CYP19A1: variants seen among roughly 807,000 people sequenced by gnomAD.
The protein encoded by CYP19A1 is aromatase.
In CYP19A1, 32 loss-of-function variants were observed where a neutral mutation model predicts 44.4. The observed-to-expected ratio is 0.72, with a 90% CI of 0.54 to 0.97. The LOEUF is 0.97. CYP19A1 is among the 50% of genes least tolerant of loss of function. CYP19A1 has a pLI of 0.00. For missense variants in CYP19A1, 598 were observed against 637.8 expected (o/e 0.94, Z 0.67); for synonymous variants, 212 against 215.6 (o/e 0.98, Z 0.14).
chr15:51,336,525 G>A (rs1029738047), intron 1 of CYP19A1, among the ~76,000 whole-genome samples: 6 of 152,104 alleles, frequency 3.9e-5, no homozygotes, highest in Non-Finnish European at 7.3e-5. Flanking sequence ...GAAGGGTGGT[G>A]GGGCAGTAAA....
At position 51,211,337 on chromosome 15, in the gene CYP19A1, GTA is replaced by G. The variant is rs571143322; in HGVS notation, c.1264-283_1264-282del. Among the ~76,000 whole-genome samples the G allele has an allele frequency of 3.9e-5, 6 of 152,296 alleles. No homozygotes were observed. The South Asian group carries it at 1.2e-3, about 32-fold the overall frequency. On this transcript the variant is annotated intron_variant, in intron 9 of 9. Coordinates refer to ENST00000396402, the MANE Select transcript of CYP19A1 (RefSeq NM_000103.4). Reference sequence around the variant, plus strand: ...CCAAATCTTATTACAGCAAGTGTTAGTATAATCAGGTAGCTCTGTGGAATAGC... The same window carrying G: ...CCAAATCTTATTACAGCAAGTGTTAGTAATCAGGTAGCTCTGTGGAATAGC...
At chr15:51,219,135 T>C (rs1305963627) in intron 5 of CYP19A1, among the ~76,000 whole-genome samples, 2 of 152,214 alleles carry the variant, frequency 1.3e-5, no homozygotes, top group Non-Finnish European at 2.9e-5. Context: ...ATCTGGATTA[T>C]ACACTTAATA....
rs2030597709 is a variant in CYP19A1 at position 51,208,470 on chromosome 15, C to T, written c.*2338G>A. On this transcript the variant is annotated 3_prime_UTR_variant, in exon 10 of 10. Transcript: ENST00000396402. ...TTTCAGAACTGATGAAAATGGAATCCACAGCACATTGCACATTCAAGAGTG... is the reference window on the plus strand; with the variant it reads ...TTTCAGAACTGATGAAAATGGAATCTACAGCACATTGCACATTCAAGAGTG... 1 of 152,082 alleles carries T rather than the reference C, an allele frequency of 6.6e-6. No homozygotes were observed. Among genetic ancestry groups the T allele is most frequent in the African/African-American group, 2.4e-5 (1 of 41,400 alleles). 9.4% of individuals were successfully genotyped at this position (152,082 alleles called of 1,614,324 possible).
At chr15:51,315,420 C>T (rs879645417) in intron 1 of CYP19A1, among the ~76,000 whole-genome samples, 1 of 152,140 alleles carries the variant, frequency 6.6e-6, no homozygotes, top group Non-Finnish European at 1.5e-5. Flanking sequence ...CCAGAGTACC[C>T]CCTCCCCTCC....
At chr15:51,221,682 G>A (rs568211603) in intron 5 of CYP19A1, 1 of 152,338 alleles carries the variant, frequency 6.6e-6, no homozygotes, top group South Asian at 2.1e-4. Context: ...AGTTTGACAT[G>A]AGCATGCACA....
At chr15:51,325,539 T>C (rs1422155228) in intron 1 of CYP19A1, among the ~76,000 whole-genome samples, 3 of 152,094 alleles carry the variant, frequency 2.0e-5, no homozygotes, top group Non-Finnish European at 4.4e-5. Flanking sequence ...GCTGGAAATA[T>C]TGAAAAGTTG....
chr15:51,295,473 G>T (rs992857230), intron 1 of CYP19A1, among the ~76,000 whole-genome samples: 1 of 152,130 alleles, frequency 6.6e-6, no homozygotes, highest in Non-Finnish European at 1.5e-5. Context: ...TTTTCCCCAT[G>T]AATCTGTGAG....
At chr15:51,288,304 T>C (rs567174890) in intron 1 of CYP19A1, among the ~76,000 whole-genome samples, 1 of 152,200 alleles carries the variant, frequency 6.6e-6, no homozygotes, top group East Asian at 1.9e-4. Flanking sequence ...GGAATTCTTG[T>C]TCAAGCTGCC....
chr15:51,236,834 T>C (rs773319250), intron 3 of CYP19A1, 25 bp downstream of exon 3: 2 of 1,613,762 alleles, frequency 1.2e-6, no homozygotes, highest in Non-Finnish European at 1.7e-6. Flanking sequence ...TTAAAAAGTA[T>C]GTCTTCGATT....
chr15:51,261,618 C>T (rs1012793570), intron 1 of CYP19A1, among the ~76,000 whole-genome samples: 4 of 152,200 alleles, frequency 2.6e-5, no homozygotes, highest in Admixed American at 6.5e-5. Flanking sequence ...ATATAGCTAA[C>T]TGCATAAGCA....
At chr15:51,233,608 C>G (rs537911267) in intron 3 of CYP19A1, among the ~76,000 whole-genome samples, 1 of 151,910 alleles carries the variant, frequency 6.6e-6, no homozygotes, top group African/African-American at 2.4e-5. Flanking sequence ...TGAAGGAAGC[C>G]CCTGTAAATG....
intron 3 of CYP19A1, among the ~76,000 whole-genome samples, chr15:51,228,952 G>A (rs1216154660): frequency 6.6e-6 from 1 of 152,100 alleles, no homozygotes. Context: ...TGGTTCTCAG[G>A]TTGGAGAGAC....
chr15:51,324,492 A>G (rs2036577400), intron 1 of CYP19A1, among the ~76,000 whole-genome samples: 1 of 152,258 alleles, frequency 6.6e-6, no homozygotes, highest in Non-Finnish European at 1.5e-5. Context: ...GAATTAAGTA[A>G]TGTACCCTGT....
intron 2 of CYP19A1, among the ~76,000 whole-genome samples, chr15:51,241,190 G>A (rs929488410): frequency 6.6e-6 from 1 of 152,216 alleles, no homozygotes; most frequent in African/African-American, 2.4e-5. Context: ...CAGGGCTGCT[G>A]GTTCTCAGGC....
At position 51,212,510 on chromosome 15, in the gene CYP19A1, T is replaced by C. The variant is rs780446294; in HGVS notation, c.1073A>G (p.Asn358Ser). ...GTACCGCATGCTCTCATAAATGAAGTTTTCCATCACTTTTAATTTTTGTAT... is the reference window on the plus strand; with the variant it reads ...GTACCGCATGCTCTCATAAATGAAGCTTTCCATCACTTTTAATTTTTGTAT... ...DDIQKLKVME[N>S]FIYESMRYQP... The change falls in exon 9 of 10, where the codon AAC (asparagine) becomes AGC (serine). Residue 358 changes from asparagine to serine, a missense_variant. Transcript: ENST00000396402. The C allele has an allele frequency of 2.6e-6, 4 of 1,564,268 alleles. No homozygotes were observed. In the African/African-American group the frequency reaches 5.4e-5, roughly 21 times the overall value.
At chr15:51,305,119 C>G (rs980374334) in intron 1 of CYP19A1, among the ~76,000 whole-genome samples, 1 of 152,036 alleles carries the variant, frequency 6.6e-6, no homozygotes, top group Non-Finnish European at 1.5e-5. Context: ...AGGCTAGTCT[C>G]AAACTCCTGA....
At chr15:51,306,130 G>C (rs555934590) in intron 1 of CYP19A1, among the ~76,000 whole-genome samples, 216 of 152,294 alleles carry the variant, frequency 1.4e-3, no homozygotes, top group African/African-American at 4.7e-3. Flanking sequence ...TCTCCTTTAT[G>C]AGAGGAGTGC....
chr15:51,239,136 G>A (rs772575980), intron 2 of CYP19A1, among the ~76,000 whole-genome samples: 5 of 152,158 alleles, frequency 3.3e-5, no homozygotes, highest in Non-Finnish European at 7.4e-5. Flanking sequence ...TTGCTTCTCA[G>A]ATTTGGGAAT....
chr15:51,299,094 G>A (rs2036060056), intron 1 of CYP19A1, among the ~76,000 whole-genome samples: 1 of 152,252 alleles, frequency 6.6e-6, no homozygotes, highest in South Asian at 2.1e-4. Flanking sequence ...CGCCAAGAGA[G>A]AGGACCCTTC....
Sources: gnomAD v4.1 joint callset for allele counts (sites outside exome capture counted in the v4.1 genomes callset) on GRCh38, gnomAD v4.1.1 for gene constraint, MANE v1.5 for transcripts, NCBI Gene and HGNC (gene_info 2026-07-23, HGNC 2026-07-21) for gene names.